Variants in NFYC observed in about 807,000 individuals in gnomAD.
NFYC encodes the protein nuclear transcription factor Y subunit gamma.
Under a neutral mutation model 53.1 loss-of-function variants are expected in NFYC, and 25 were observed. The ratio of observed to expected loss-of-function variants is 0.47; its 90% CI spans 0.34 to 0.66. NFYC has a LOEUF of 0.66. Among genes scored for constraint, NFYC ranks in the 30% least tolerant of loss-of-function variants. The pLI is 0.01. For synonymous variants in NFYC, 145 were observed against 152.6 expected, an observed-to-expected ratio of 0.95 and a Z score of 0.37; for missense variants, 260 against 422.7, an observed-to-expected ratio of 0.62 and a Z score of 3.38.
chr1:40,749,064 A>G (rs1345695754), intron 3 of NFYC, among the ~76,000 whole-genome samples: 2 of 152,178 alleles, frequency 1.3e-5, no homozygotes, highest in Non-Finnish European at 2.9e-5. Context: ...AGCATTTCCT[A>G]TATGCCAAGC....
chr1:40,748,594 G>A (rs1645744360), intron 3 of NFYC, among the ~76,000 whole-genome samples: 1 of 152,130 alleles, frequency 6.6e-6, no homozygotes, highest in South Asian at 2.1e-4. Flanking sequence ...TGATCTATGA[G>A]TTTCTTTTAC....
Position 40,766,694 on chromosome 1 carries a change from T to C in NFYC, c.819T>C (p.Asn273=). The C allele has an allele frequency of 6.2e-7, 1 of 1,613,918 alleles. No individual in the cohort carries two copies. Among genetic ancestry groups the C allele is most frequent in the Non-Finnish European group, 8.5e-7 (1 of 1,179,848 alleles). Residue 273 remains asparagine, a synonymous_variant, in exon 8 of 10, where the codon AAT becomes AAC. Transcript: ENST00000447388. The part of the protein sequence containing the change: ...VQGQIQTLAT[N]AQQITQTEVQ... ...GACAGATCCAGACACTTGCCACCAA[T>C]GCTCAACAGGTATGTGCCCCAGAGA...
At chr1:40,693,215 G>C (rs1432064694) in intron 1 of NFYC, among the ~76,000 whole-genome samples, 6 of 152,154 alleles carry the variant, frequency 3.9e-5, no homozygotes. Flanking sequence ...AACAGGACTT[G>C]TCAACACTTT....
intron 1 of NFYC, among the ~76,000 whole-genome samples, chr1:40,717,027 G>A (rs1295786160): frequency 6.6e-6 from 1 of 152,166 alleles, no homozygotes; most frequent in African/African-American, 2.4e-5. Flanking sequence ...TAGCTTTCTG[G>A]TTGTAGATGT....
intron 1 of NFYC, among the ~76,000 whole-genome samples, chr1:40,723,467 C>A (rs535983946): frequency 6.6e-6 from 1 of 152,062 alleles, no homozygotes; most frequent in African/African-American, 2.4e-5. Context: ...TTCTGTGGGG[C>A]AGAGGGGGTC....
chr1:40,692,607 G>C (rs1238518376), intron 1 of NFYC, among the ~76,000 whole-genome samples: 2 of 152,148 alleles, frequency 1.3e-5, no homozygotes, highest in Non-Finnish European at 2.9e-5. Context: ...TAGGGGCATA[G>C]CTGAACGGTA....
At chr1:40,720,878 A>AT (rs1042592835) in intron 1 of NFYC, among the ~76,000 whole-genome samples, 5 of 151,810 alleles carry the variant, frequency 3.3e-5, no homozygotes, top group South Asian at 2.1e-4. Flanking sequence ...TTTAAAAAAA[A>AT]TTTTTTTTTA....
intron 2 of NFYC, among the ~76,000 whole-genome samples, chr1:40,745,109 C>T (rs1046867352): frequency 2.0e-5 from 3 of 152,146 alleles, no homozygotes; most frequent in Non-Finnish European, 1.5e-5. Context: ...TACATCTCTG[C>T]AAGGCGGGAA....
At chr1:40,766,822 C>A in intron 8 of NFYC, 119 bp downstream of exon 8, 1 of 1,476,048 alleles carries the variant, frequency 6.8e-7, no homozygotes, top group Non-Finnish European at 9.3e-7. Flanking sequence ...AGAAGCACCA[C>A]CCCCACACCC....
chr1:40,712,198 A>C (rs1335888652), intron 1 of NFYC, among the ~76,000 whole-genome samples: 1 of 152,226 alleles, frequency 6.6e-6, no homozygotes, highest in Admixed American at 6.5e-5. Context: ...TAAACCTGAC[A>C]CATTTCTTTT....
intron 1 of NFYC, among the ~76,000 whole-genome samples, chr1:40,713,201 C>T (rs570523334): frequency 3.9e-5 from 6 of 152,254 alleles, no homozygotes; most frequent in East Asian, 1.9e-4. Context: ...TTTTCCCCCC[C>T]AGGGGTGGGG....
chr1:40,763,032 A>G lies in NFYC; in HGVS notation c.706A>G (p.Ile236Val). 6.3e-7 allele frequency: 1 copy of G among 1,599,676 alleles called. No individual in the cohort carries two copies. The highest frequency in any genetic ancestry group is 8.5e-7 in the Non-Finnish European group (1 of 1,171,588). Residue 236 changes from isoleucine to valine, a missense_variant, in exon 7 of 10, where the codon ATC becomes GTC. Ile to Val is a conservative substitution (Grantham distance 29). Transcript: ENST00000447388. ...GCAGATCATCACTAACACAGGAGAG[A>G]TCCAGCAGATCCCGGTGAGTCCTGC... ...MQQIITNTGE[I>V]QQIPVQLNAG...
intron 1 of NFYC, among the ~76,000 whole-genome samples, chr1:40,737,442 C>T (rs1645095882): frequency 6.6e-6 from 1 of 151,590 alleles, no homozygotes; most frequent in Non-Finnish European, 1.5e-5. Flanking sequence ...GATTCTCCTG[C>T]CTCAGCCTCC....
intron 1 of NFYC, among the ~76,000 whole-genome samples, chr1:40,699,407 C>A (rs7551747): frequency 0.79 from 119,584 of 152,130 alleles, 47,634 homozygotes; most frequent in African/African-American, 0.9. Flanking sequence ...TGATCTGTTC[C>A]TTTTAAAAGA....
At position 40,738,917 on chromosome 1, in the gene NFYC, G is replaced by A. The variant is rs768998578; in HGVS notation, c.74G>A (p.Arg25Gln). The A allele has an allele frequency of 3.7e-6, 6 of 1,613,814 alleles. No homozygotes were observed. Among genetic ancestry groups the A allele is most frequent in the East Asian group, 2.2e-5 (1 of 44,890 alleles). The change falls in exon 2 of 10, where the codon CGG becomes CAG. Residue 25 changes from arginine to glutamine, a missense_variant. Transcript: ENST00000447388. ...CAAAGCCTACAGTCGTTCTGGCCTC[G>A]GGTCATGGAAGAAATCCGGAATTTA... ...AQQSLQSFWP[R>Q]VMEEIRNLTV...
chr1:40,758,017 G>A (rs1336377080), intron 5 of NFYC, 104 bp from the exon 6 acceptor site: 2 of 1,258,990 alleles, frequency 1.6e-6, no homozygotes, highest in African/African-American at 1.5e-5. Context: ...TCAGCATTCA[G>A]CAGGCAACTG....
intron 8 of NFYC, 87 bp from the exon 9 acceptor site, chr1:40,769,269 T>A: frequency 1.5e-6 from 2 of 1,359,614 alleles, no homozygotes. Context: ...TTGTCTCATT[T>A]GATCTTTATG....
At chr1:40,702,628 C>T (rs1038636845) in intron 1 of NFYC, among the ~76,000 whole-genome samples, 1 of 152,074 alleles carries the variant, frequency 6.6e-6, no homozygotes, top group African/African-American at 2.4e-5. Context: ...AGGTGTGAAC[C>T]ACCGCACCCG....
rs1317370662 is a variant in NFYC, at chr1:40,715,578, TG to T, written c.-8-23253del. Among the ~76,000 whole-genome samples, 5 of 152,248 alleles carry T rather than the reference TG, an allele frequency of 3.3e-5. No homozygotes were observed. The South Asian group carries it at 1.0e-3, about 32-fold the overall frequency. ...TTTAATGTGTTCTGCTACCTCCATA[TG>T]GGGGCCCACCTCTTTATAACGTGGT... On this transcript the variant is annotated intron_variant, in intron 1 of 9. Transcript: ENST00000447388.
Sources: allele counts gnomAD v4.1 joint callset (sites outside exome capture counted in the v4.1 genomes callset), GRCh38; gene constraint gnomAD v4.1.1; transcripts MANE v1.5; gene names NCBI Gene and HGNC (gene_info 2026-07-23, HGNC 2026-07-21).